Variants in CCDC3 observed in about 807,000 individuals in gnomAD.
CCDC3 encodes coiled-coil domain-containing protein 3.
In CCDC3, 24 loss-of-function variants were observed where a neutral mutation model predicts 21.4. The ratio of observed to expected loss-of-function variants is 1.12; its 90% CI spans 0.81 to 1.58. CCDC3 has a LOEUF of 1.58. Ranked by LOEUF, CCDC3 falls within the 40% of genes most tolerant of loss-of-function variation. The pLI is 0.00. For synonymous variants in CCDC3, 186 were observed against 166.0 expected (o/e 1.12, Z -0.93); for missense variants, 425 against 360.9 (o/e 1.18, Z -1.44).
chr10:13,028,110 C>T (rs994869605), intron 5 of CCDC3, among the ~76,000 whole-genome samples: 2 of 152,140 alleles, frequency 1.3e-5, no homozygotes, highest in Admixed American at 6.6e-5. Flanking sequence ...ACCCAAATCT[C>T]GTCTTGAATT....
Position 12,995,503 on chromosome 10 carries a change from A to G in CCDC3, c.549+2835T>C, listed in dbSNP as rs566623606. On this transcript the variant is annotated intron_variant, in intron 2 of 2. Coordinates refer to ENST00000378825, the MANE Select transcript of CCDC3 (RefSeq NM_031455.4). ...GTGATCCGCCGACCTCGGCCTCCCA[A>G]TGTGCTGGGAATACAGGCGTGAGCC... Among the ~76,000 whole-genome samples, 11 of 152,316 alleles carry G rather than the reference A, an allele frequency of 7.2e-5. No individual in the cohort carries two copies. In the South Asian group the frequency reaches 8.3e-4, roughly 11 times the overall value.
chr10:12,940,408 G>A (rs1032022044), intron 2 of CCDC3, among the ~76,000 whole-genome samples: 1 of 152,108 alleles, frequency 6.6e-6, no homozygotes, highest in African/African-American at 2.4e-5. Flanking sequence ...ATGGCCTCTT[G>A]AGAGTTATAT....
intron 2 of CCDC3, among the ~76,000 whole-genome samples, chr10:12,996,384 G>A (rs1835762229): frequency 1.3e-5 from 2 of 152,122 alleles, no homozygotes; most frequent in South Asian, 4.2e-4. Context: ...CGCCCAGGCT[G>A]GAGTGCAATG....
Position 12,919,305 on chromosome 10 carries a change from A to G in CCDC3, c.550-20626T>C, listed in dbSNP as rs527488670. Among the ~76,000 whole-genome samples the G allele has an allele frequency of 2.0e-5, 3 of 151,778 alleles. No homozygotes were observed. In the East Asian group the frequency reaches 5.9e-4, roughly 30 times the overall value. ...GCTTGTGTAACTAGAAATGAGTACT[A>G]TTGGCCAGGCAAGGTGGCTCACGCC... On this transcript the variant is annotated intron_variant, in intron 2 of 2. Coordinates refer to ENST00000378825, the MANE Select transcript of CCDC3 (RefSeq NM_031455.4).
chr10:13,098,734 T>TTTTTTTA, intron 2 of CCDC3: 1 of 86,284 alleles, frequency 1.2e-5, no homozygotes, highest in African/African-American at 3.7e-5. Context: ...TTTTTTTTTT[T>TTTTTTTA]GAGACGGAGT....
chr10:13,019,577 T>G (rs1589041988), intron 5 of CCDC3, among the ~76,000 whole-genome samples: 2 of 152,346 alleles, frequency 1.3e-5, no homozygotes, highest in South Asian at 4.1e-4. Flanking sequence ...AGAATATCTG[T>G]TTTTTCCTTA....
chr10:12,931,826 C>T (rs1240622515), intron 2 of CCDC3, among the ~76,000 whole-genome samples: 1 of 152,208 alleles, frequency 6.6e-6, no homozygotes, highest in South Asian at 2.1e-4. Context: ...GTGTTTCTTC[C>T]ATGCAGGGGC....
chr10:13,088,245 CA>C (rs1837136626), intron 3 of CCDC3, among the ~76,000 whole-genome samples: 1 of 152,038 alleles, frequency 6.6e-6, no homozygotes, highest in Admixed American at 6.5e-5. Flanking sequence ...TTTTAGTTAT[CA>C]TTAAAAAGAC....
At chr10:12,964,775 A>G (rs1835236798) in intron 2 of CCDC3, among the ~76,000 whole-genome samples, 1 of 152,270 alleles carries the variant, frequency 6.6e-6, no homozygotes, top group Non-Finnish European at 1.5e-5. Context: ...TGACACCTAC[A>G]GTCACACCAC....
At chr10:13,038,727 G>T (rs1836411588) in intron 5 of CCDC3, among the ~76,000 whole-genome samples, 1 of 152,204 alleles carries the variant, frequency 6.6e-6, no homozygotes, top group African/African-American at 2.4e-5. Context: ...TAATAAGGAC[G>T]GTGTTTGTGT....
chr10:13,025,614 G>C (rs1365481013), intron 5 of CCDC3, among the ~76,000 whole-genome samples: 4 of 152,184 alleles, frequency 2.6e-5, no homozygotes, highest in Non-Finnish European at 1.5e-5. Flanking sequence ...CATCGAACCT[G>C]TTTTATGTTG....
chr10:12,953,144 T>A (rs1379786394), intron 2 of CCDC3, among the ~76,000 whole-genome samples: 1 of 152,072 alleles, frequency 6.6e-6, no homozygotes, highest in Non-Finnish European at 1.5e-5. Flanking sequence ...GGCCTCACAA[T>A]CATGGTAGAA....
At chr10:13,079,195 T>A (rs781227324) in intron 3 of CCDC3, among the ~76,000 whole-genome samples, 4 of 152,198 alleles carry the variant, frequency 2.6e-5, no homozygotes, top group Admixed American at 6.5e-5. Flanking sequence ...ACATTTTACA[T>A]ATAACAAAAT....
chr10:13,022,947 C>G (rs1836165318), intron 5 of CCDC3, among the ~76,000 whole-genome samples: 1 of 151,920 alleles, frequency 6.6e-6, no homozygotes, highest in Admixed American at 6.6e-5. Context: ...ACAAGTTGAC[C>G]AGTTTAAAAT....
At chr10:12,906,067 C>A (rs2225465) in intron 2 of CCDC3, among the ~76,000 whole-genome samples, 1 of 152,152 alleles carries the variant, frequency 6.6e-6, no homozygotes, top group East Asian at 1.9e-4. Flanking sequence ...TCTTTAAAAG[C>A]CTTTAGAGAT....
intron 2 of CCDC3, among the ~76,000 whole-genome samples, chr10:12,994,594 A>G (rs991760159): frequency 6.6e-6 from 1 of 152,068 alleles, no homozygotes; most frequent in Admixed American, 6.5e-5. Flanking sequence ...TCTGATTAAC[A>G]AAAGTCTAAC....
At chr10:12,926,940 C>A (rs998138675) in intron 2 of CCDC3, among the ~76,000 whole-genome samples, 6 of 151,924 alleles carry the variant, frequency 3.9e-5, no homozygotes, top group African/African-American at 1.5e-4. Flanking sequence ...TTATTTAGCA[C>A]TAGAAAGATG....
At chr10:13,018,897 G>T (rs11258132) in intron 5 of CCDC3, among the ~76,000 whole-genome samples, 2 of 150,772 alleles carry the variant, frequency 1.3e-5, no homozygotes, top group Admixed American at 6.6e-5. Flanking sequence ...AGATCATGCC[G>T]TTGCACTCCA....
chr10:12,900,140 T>C (rs1371678805), intron 2 of CCDC3, among the ~76,000 whole-genome samples: 1 of 152,216 alleles, frequency 6.6e-6, no homozygotes, highest in Non-Finnish European at 1.5e-5. Context: ...TCCCCAGGCA[T>C]GTGGAATTGT....
Sources: allele counts gnomAD v4.1 joint callset (sites outside exome capture counted in the v4.1 genomes callset), GRCh38; gene constraint gnomAD v4.1.1; transcripts MANE v1.5; gene names NCBI Gene and HGNC (gene_info 2026-07-23, HGNC 2026-07-21).